CSRP1: variants seen among roughly 807,000 people sequenced by gnomAD.
CSRP1 encodes the protein cysteine and glycine-rich protein 1.
CSRP1 carries 16 observed loss-of-function variants against 25.4 expected under a neutral mutation model. The ratio of observed to expected loss-of-function variants is 0.63; its 90% confidence interval spans 0.43 to 0.96. The LOEUF is 0.96. Ranked by LOEUF, CSRP1 falls within the 40% of genes least tolerant of loss-of-function variation. CSRP1 has a pLI of 0.00. For missense variants in CSRP1, 212 were observed against 243.6 expected (o/e 0.87, Z 0.86); for synonymous variants, 97 against 95.3 (o/e 1.02, Z -0.10).
intron 3 of CSRP1, chr1:201,489,281 C>A (rs751807236): frequency 8.1e-6 from 2 of 246,904 alleles, no homozygotes; most frequent in Non-Finnish European, 1.6e-5. Context: ...CTCATTCCTG[C>A]AGCTGGTCTA....
rs1198252039 is a variant in CSRP1, at chr1:201,490,221, G to A, written c.236C>T (p.Thr79Ile). The change falls in exon 3 of 6, where the codon ACC (threonine) becomes ATC (isoleucine). Residue 79 changes from threonine to isoleucine, a missense_variant. Transcript: ENST00000340006. ...CGACTCCCCCTTGTCAGTGCTGAGG[G>A]TGCCTGCGCCCTGCCCGTAGCCATA... ...KGYGYGQGAGTLSTDKGESLG... is the reference protein window; with the variant it reads ...KGYGYGQGAGILSTDKGESLG... 4.3e-6 allele frequency: 7 copies of A among 1,614,074 alleles called. No homozygotes were observed. The highest frequency in any genetic ancestry group is 5.9e-6 in the Non-Finnish European group (7 of 1,180,042).
chr1:201,495,495 A>G (rs566400858), intron 2 of CSRP1: 1 of 152,410 alleles, frequency 6.6e-6, no homozygotes, highest in Non-Finnish European at 1.5e-5. Flanking sequence ...CCAAGTTGCC[A>G]CATCCTGGAA....
At chr1:201,502,020 T>G (rs1002948010) in intron 1 of CSRP1, among the ~76,000 whole-genome samples, 10 of 150,856 alleles carry the variant, frequency 6.6e-5, no homozygotes, top group African/African-American at 2.5e-4. Context: ...AATAAATAAA[T>G]AAATAAATAA....
Position 201,484,652 on chromosome 1 carries a change from T to C in CSRP1, c.*61A>G. On this transcript the variant is annotated 3_prime_UTR_variant, in exon 6 of 6. Transcript: ENST00000340006. ...TAATCCTGGAGGTCTCCAAAGCTGC[T>C]GGGAATGGAATGGCGATGAAAAGCG... is the stretch of plus-strand genomic sequence containing the variant. 1 of 1,459,528 alleles carries C rather than the reference T, an allele frequency of 6.9e-7. No individual in the cohort carries two copies. The highest frequency in any genetic ancestry group is 1.4e-5 in the African/African-American group (1 of 72,182). 90.4% of individuals were successfully genotyped at this position (1,459,528 alleles called of 1,614,324 possible). A position where few individuals can be genotyped will look rare whatever the true frequency, so the allele number is the denominator to read the frequency against.
At chr1:201,503,861 T>G (rs1419987971) in intron 1 of CSRP1, among the ~76,000 whole-genome samples, 1 of 152,182 alleles carries the variant, frequency 6.6e-6, no homozygotes, top group African/African-American at 2.4e-5. Flanking sequence ...TCTGCAAACC[T>G]GGCTCTGAAA....
rs149227400 is a variant in CSRP1 at position 201,502,443 on chromosome 1, A to G, written c.-2+4627T>C. On this transcript the variant is annotated intron_variant, in intron 1 of 5. Coordinates refer to ENST00000340006, the MANE Select transcript of CSRP1 (RefSeq NM_004078.3). ...GGGGGCTGGGCTGGTCAGGGCTCAG[A>G]GCCAAGTCTTAGAAGTGACACCTGA... Among the ~76,000 whole-genome samples the G allele has an allele frequency of 8.4e-4, 128 of 152,270 alleles. 1 individual carries two copies. The South Asian group carries it at 0.012, about 14-fold the overall frequency.
Position 201,497,227 on chromosome 1 carries a change from T to G in CSRP1, c.-1-923A>C, listed in dbSNP as rs1441691875. ...TACAAAAATTAGCCAGGTGTGGTGG[T>G]GCGCCCCTGTAATCCTAGCTACTCT... On this transcript the variant is annotated intron_variant, in intron 1 of 5. Transcript: ENST00000340006. Among the ~76,000 whole-genome samples, 4 of 151,518 alleles carry G rather than the reference T, an allele frequency of 2.6e-5. No homozygotes were observed. The East Asian group carries it at 5.8e-4, about 22-fold the overall frequency.
At chr1:201,495,221 C>A (rs1191788702) in intron 2 of CSRP1, among the ~76,000 whole-genome samples, 1 of 152,152 alleles carries the variant, frequency 6.6e-6, no homozygotes, top group Non-Finnish European at 1.5e-5. Context: ...TATAGGGAGA[C>A]CCTGTCTCTC....
At chr1:201,493,861 T>C (rs1308147465) in intron 2 of CSRP1, among the ~76,000 whole-genome samples, 1 of 152,164 alleles carries the variant, frequency 6.6e-6, no homozygotes, top group South Asian at 2.1e-4. Flanking sequence ...AAAAGAGAAA[T>C]GATGTGCCTT....
chr1:201,486,814 A>G, intron 4 of CSRP1: 1 of 1,078,772 alleles, frequency 9.3e-7, no homozygotes, highest in Admixed American at 5.4e-5. Flanking sequence ...AAATTCTCTT[A>G]TCCTACTCCT....
chr1:201,496,128 C>T (rs910370652), intron 2 of CSRP1, 64 bp downstream of exon 2: 90 of 1,287,370 alleles, frequency 7.0e-5, no homozygotes, highest in Non-Finnish European at 8.9e-5. Flanking sequence ...ACAGGCCCAG[C>T]CTGTGGGGGC....
At chr1:201,500,862 G>A (rs1664650948) in intron 1 of CSRP1, among the ~76,000 whole-genome samples, 1 of 152,234 alleles carries the variant, frequency 6.6e-6, no homozygotes, top group African/African-American at 2.4e-5. Context: ...GTGCCTTAGA[G>A]GGACACTTGG....
In CSRP1 at chr1:201,496,145, G is replaced by A. The variant is rs189276150; in HGVS notation, c.112+47C>T. The A allele has an allele frequency of 1.5e-4, 224 of 1,480,522 alleles. No homozygotes were observed. In the East Asian group the frequency reaches 4.1e-3, roughly 27 times the overall value. The allele number at this position is 1,480,522 out of a possible 1,614,324, so 91.7% of individuals were successfully genotyped here. A position where few individuals can be genotyped will look rare whatever the true frequency, so the allele number is the denominator to read the frequency against. Reference sequence around the variant, plus strand: ...AGGCCCAGCCTGTGGGGGCAGGCCCGTCCAGGGTGTCCAAGGCAACAGCAA... The same window carrying A: ...AGGCCCAGCCTGTGGGGGCAGGCCCATCCAGGGTGTCCAAGGCAACAGCAA... On this transcript the variant is annotated intron_variant, in intron 2 of 5. Coordinates refer to ENST00000340006, the MANE Select transcript of CSRP1 (RefSeq NM_004078.3).
intron 2 of CSRP1, 24 bp downstream of exon 2, chr1:201,496,168 C>A: frequency 1.3e-6 from 2 of 1,591,632 alleles, no homozygotes; most frequent in Non-Finnish European, 8.6e-7. Context: ...AAGGCAACAG[C>A]AATAGGGCCT....
chr1:201,503,551 C>T (rs1272405855), intron 1 of CSRP1, among the ~76,000 whole-genome samples: 1 of 151,992 alleles, frequency 6.6e-6, no homozygotes, highest in Non-Finnish European at 1.5e-5. Flanking sequence ...CCTGTTGTCA[C>T]CGCTGAAGAC....
chr1:201,500,875 C>G (rs1664651499), intron 1 of CSRP1, among the ~76,000 whole-genome samples: 1 of 152,226 alleles, frequency 6.6e-6, no homozygotes, highest in Non-Finnish European at 1.5e-5. Flanking sequence ...ACACTTGGCT[C>G]CTTCTTAATT....
chr1:201,499,448 T>A (rs1279122874), intron 1 of CSRP1, among the ~76,000 whole-genome samples: 1 of 151,754 alleles, frequency 6.6e-6, no homozygotes, highest in African/African-American at 2.4e-5. Context: ...TGAGGGGAGG[T>A]CTGCTTGGGA....
intron 4 of CSRP1, 60 bp downstream of exon 4, chr1:201,488,795 G>A: frequency 1.3e-6 from 2 of 1,593,652 alleles, no homozygotes; most frequent in Non-Finnish European, 1.7e-6. Context: ...AAAAGTTCTG[G>A]AATCCACATT....
At chr1:201,505,684 A>T (rs1341186059) in intron 1 of CSRP1, among the ~76,000 whole-genome samples, 4 of 152,348 alleles carry the variant, frequency 2.6e-5, no homozygotes, top group Admixed American at 2.6e-4. Flanking sequence ...GACCGTGAGC[A>T]GGAGGAGGCT....
Sources: gnomAD v4.1 joint callset for allele counts (sites outside exome capture counted in the v4.1 genomes callset) on GRCh38, gnomAD v4.1.1 for gene constraint, MANE v1.5 for transcripts, NCBI Gene and HGNC (gene_info 2026-07-23, HGNC 2026-07-21) for gene names.